The following SRGAP3 variants were observed in gnomAD, a reference collection of about 807,000 sequenced individuals.
The protein encoded by SRGAP3 is SLIT-ROBO Rho GTPase-activating protein 3.
A neutral mutation model predicts 121.1 loss-of-function variants in SRGAP3; 39 were observed. The observed-to-expected ratio is 0.32, with a 90% CI of 0.25 to 0.42. The LOEUF is 0.42. Among genes scored for constraint, SRGAP3 ranks in the 10% least tolerant of loss-of-function variants. The pLI, the probability that SRGAP3 is intolerant of heterozygous loss-of-function variation, is 1.00. For missense variants in SRGAP3, 1,213 were observed against 1,470.6 expected, an observed-to-expected ratio of 0.82 and a Z score of 2.86; for synonymous variants, 601 against 570.0, an observed-to-expected ratio of 1.05 and a Z score of -0.77.
intron 10 of SRGAP3, among the ~76,000 whole-genome samples, chr3:9,042,469 G>C (rs556656016): frequency 6.6e-6 from 1 of 151,516 alleles, no homozygotes; most frequent in South Asian, 2.1e-4. Flanking sequence ...ATAGGGCCAG[G>C]GAGGGAAATA....
intron 3 of SRGAP3, among the ~76,000 whole-genome samples, chr3:9,321,548 G>A (rs1020401847): frequency 2.0e-5 from 3 of 151,926 alleles, no homozygotes; most frequent in African/African-American, 7.2e-5. Flanking sequence ...CATGAGCATA[G>A]AAGTGGGAAG....
intron 21 of SRGAP3, among the ~76,000 whole-genome samples, chr3:8,986,460 T>C (rs180864159): frequency 1.9e-4 from 29 of 152,330 alleles, no homozygotes; most frequent in African/African-American, 6.3e-4. Flanking sequence ...TGCCCCCTAA[T>C]AATTCATTTA....
At chr3:9,233,199 C>A (rs1395350967) in intron 1 of SRGAP3, among the ~76,000 whole-genome samples, 1 of 152,148 alleles carries the variant, frequency 6.6e-6, no homozygotes, top group Non-Finnish European at 1.5e-5. Flanking sequence ...TTATTATGTC[C>A]CTCTTTCACA....
intron 1 of SRGAP3, among the ~76,000 whole-genome samples, chr3:9,346,065 C>T (rs1489756029): frequency 2.0e-5 from 3 of 152,220 alleles, no homozygotes; most frequent in Non-Finnish European, 4.4e-5. Flanking sequence ...TTTATATTCA[C>T]AAAAAACGTG....
chr3:9,040,262 G>A (rs1236715717), intron 10 of SRGAP3, among the ~76,000 whole-genome samples: 1 of 151,958 alleles, frequency 6.6e-6, no homozygotes, highest in East Asian at 1.9e-4. Flanking sequence ...ACCTCTCATC[G>A]CACAAGGGAC....
In SRGAP3 at chr3:9,153,651, A is replaced by G. The variant is rs987632572; in HGVS notation, c.68-28734T>C. On this transcript the variant is annotated intron_variant, in intron 1 of 21. Coordinates refer to ENST00000383836, the MANE Select transcript of SRGAP3 (RefSeq NM_014850.4). ...TCATGCAATGCAGTGGTAACATAGG[A>G]ACATTTAACACAGACATAATCAAAA... Among the ~76,000 whole-genome samples, 6 of 152,240 alleles carry G rather than the reference A, an allele frequency of 3.9e-5. No homozygotes were observed. The South Asian group carries it at 1.2e-3, about 32-fold the overall frequency.
chr3:9,299,301 C>T (rs1955007542), intron 3 of SRGAP3, among the ~76,000 whole-genome samples: 1 of 144,850 alleles, frequency 6.9e-6, no homozygotes, highest in Non-Finnish European at 1.5e-5. Flanking sequence ...GCGGAGACTG[C>T]AGTGAGCCAA....
intron 3 of SRGAP3, among the ~76,000 whole-genome samples, chr3:9,307,198 TC>T (rs1183894031): frequency 2.0e-5 from 3 of 152,310 alleles, no homozygotes; most frequent in African/African-American, 7.2e-5. Context: ...GGTCTTGAAC[TC>T]CTGGCCTCAA....
intron 3 of SRGAP3, chr3:9,292,439 C>G (rs557345826): frequency 6.6e-6 from 1 of 152,204 alleles, no homozygotes; most frequent in Non-Finnish European, 1.5e-5. Flanking sequence ...TCTCTATCCA[C>G]CTTACACTTC....
At chr3:9,174,104 C>T (rs536992385) in intron 1 of SRGAP3, among the ~76,000 whole-genome samples, 7 of 152,168 alleles carry the variant, frequency 4.6e-5, no homozygotes, top group Non-Finnish European at 8.8e-5. Flanking sequence ...TGAAATAAGC[C>T]AGTCACAAAA....
chr3:9,297,699 C>T (rs1181549815), intron 3 of SRGAP3, among the ~76,000 whole-genome samples: 3 of 152,134 alleles, frequency 2.0e-5, no homozygotes, highest in African/African-American at 7.2e-5. Flanking sequence ...AGTTCGAGAC[C>T]AGCCTGGCCA....
chr3:9,356,901 T>C (rs779193972), intron 1 of SRGAP3, among the ~76,000 whole-genome samples: 2 of 152,202 alleles, frequency 1.3e-5, no homozygotes, highest in African/African-American at 2.4e-5. Flanking sequence ...ATCTCTCTCA[T>C]TATGTCAAGA....
At chr3:9,301,673 G>T (rs1055640371) in intron 3 of SRGAP3, among the ~76,000 whole-genome samples, 4 of 152,232 alleles carry the variant, frequency 2.6e-5, no homozygotes, top group African/African-American at 9.6e-5. Flanking sequence ...GGCTTCAAGA[G>T]GAGGTAGAAT....
At chr3:9,038,016 C>G (rs773900430) in intron 11 of SRGAP3, 47 bp downstream of exon 11, 3 of 1,613,784 alleles carry the variant, frequency 1.9e-6, no homozygotes, top group South Asian at 2.2e-5. Context: ...CATCCCACTC[C>G]CACCTCGGGC....
At chr3:9,318,900 A>AAAAG (rs1367086326) in intron 3 of SRGAP3, among the ~76,000 whole-genome samples, 1 of 151,538 alleles carries the variant, frequency 6.6e-6, no homozygotes, top group African/African-American at 2.4e-5. Flanking sequence ...GAAAGAAAAG[A>AAAAG]AAAGAAAGAA....
chr3:9,104,970 CT>C, intron 2 of SRGAP3, 128 bp from the exon 3 acceptor site: 1 of 1,148,032 alleles, frequency 8.7e-7, no homozygotes, highest in Non-Finnish European at 1.3e-6. Flanking sequence ...GTTGTTACAC[CT>C]TATACAGTTG....
At chr3:8,992,150 G>C (rs897147729) in intron 20 of SRGAP3, among the ~76,000 whole-genome samples, 3 of 152,014 alleles carry the variant, frequency 2.0e-5, no homozygotes, top group African/African-American at 7.2e-5. Flanking sequence ...TGATTTTTTT[G>C]GGGTCTATCT....
At chr3:9,028,971 GC>G (rs1944345334) in intron 12 of SRGAP3, among the ~76,000 whole-genome samples, 1 of 152,162 alleles carries the variant, frequency 6.6e-6, no homozygotes, top group Non-Finnish European at 1.5e-5. Context: ...CACCTGTGCA[GC>G]AGGTCCATCT....
chr3:9,146,032 A>T (rs1211332941), intron 1 of SRGAP3, among the ~76,000 whole-genome samples: 1 of 152,250 alleles, frequency 6.6e-6, no homozygotes, highest in East Asian at 1.9e-4. Context: ...TCAGGGGCTT[A>T]GGCCTTACCC....
Sources: allele counts gnomAD v4.1 joint callset (sites outside exome capture counted in the v4.1 genomes callset), GRCh38; gene constraint gnomAD v4.1.1; transcripts MANE v1.5; gene names NCBI Gene and HGNC (gene_info 2026-07-23, HGNC 2026-07-21).